The following RAD50 variants were observed in gnomAD, a reference collection of about 807,000 sequenced individuals.
RAD50 encodes the protein RAD50 double strand break repair protein.
Under a neutral mutation model 168.8 loss-of-function variants are expected in RAD50, and 132 were observed. The observed-to-expected ratio is 0.78, with a 90% CI of 0.68 to 0.90. RAD50 has a LOEUF of 0.90. RAD50 is among the 40% of genes least tolerant of loss of function. The pLI is 0.00. For synonymous variants in RAD50, 525 were observed against 497.4 expected (o/e 1.06, Z -0.74); for missense variants, 1,347 against 1,534.4 (o/e 0.88, Z 2.04).
intron 2 of RAD50, among the ~76,000 whole-genome samples, chr5:132,572,436 T>C (rs1461764452): frequency 6.6e-6 from 1 of 151,106 alleles, no homozygotes; most frequent in African/African-American, 2.5e-5. Flanking sequence ...AAACCCTAAA[T>C]AAAGTAAAAG....
intron 24 of RAD50, among the ~76,000 whole-genome samples, chr5:132,641,370 C>G (rs149179017): frequency 0.011 from 1,641 of 152,248 alleles, 23 homozygotes; most frequent in South Asian, 0.055. Context: ...AAGGACTATG[C>G]TGGCAGAGAA....
chr5:132,557,610 G>A (rs938804699), intron 1 of RAD50, among the ~76,000 whole-genome samples, 157 bp downstream of exon 1: 3 of 152,190 alleles, frequency 2.0e-5, no homozygotes, highest in South Asian at 2.1e-4. Context: ...AGGCTACAGC[G>A]ACCTTAGGAG....
At chr5:132,587,104 C>T (rs1430107019) in intron 5 of RAD50, among the ~76,000 whole-genome samples, 1 of 152,122 alleles carries the variant, frequency 6.6e-6, no homozygotes. Context: ...GCTCAGAGTC[C>T]TCTGTGGTTG....
intron 21 of RAD50, among the ~76,000 whole-genome samples, chr5:132,622,032 C>T (rs1581011699): frequency 6.6e-6 from 1 of 152,146 alleles, no homozygotes; most frequent in African/African-American, 2.4e-5. Flanking sequence ...ATATACTGGG[C>T]TCTGGGTAAA....
Position 132,591,192 on chromosome 5 carries a change from A to G in RAD50, c.1453-32A>G, listed in dbSNP as rs374075653. 4.5e-6 allele frequency: 7 copies of G among 1,561,186 alleles called. No homozygotes were observed. In the African/African-American group the frequency reaches 8.1e-5, roughly 18 times the overall value. ...TTTTAATTCTTGCACAAAATATATAACACCTTTGCATTTGTATGAATTATT... is the reference window on the plus strand; with the variant it reads ...TTTTAATTCTTGCACAAAATATATAGCACCTTTGCATTTGTATGAATTATT... On this transcript the variant is annotated intron_variant, in intron 9 of 24. Coordinates refer to ENST00000378823, the MANE Select transcript of RAD50 (RefSeq NM_005732.4).
At chr5:132,591,787 G>C (rs2149842521) in intron 10 of RAD50, 90 bp from the exon 11 acceptor site, 1 of 945,966 alleles carries the variant, frequency 1.1e-6, no homozygotes. Context: ...TTTAAGCTTA[G>C]AACTTTAGTC....
intron 5 of RAD50, among the ~76,000 whole-genome samples, chr5:132,583,946 C>T (rs1468829751): frequency 6.6e-6 from 1 of 152,104 alleles, no homozygotes; most frequent in Non-Finnish European, 1.5e-5. Context: ...ATCTGCCCAC[C>T]TCGGCCTCCC....
chr5:132,606,815 A>G (rs946993618), intron 16 of RAD50, among the ~76,000 whole-genome samples: 1 of 152,222 alleles, frequency 6.6e-6, no homozygotes, highest in Non-Finnish European at 1.5e-5. Flanking sequence ...CTGGTTCAAC[A>G]TATGCAAATC....
At chr5:132,571,135 A>G (rs189167103) in intron 2 of RAD50, among the ~76,000 whole-genome samples, 1 of 152,366 alleles carries the variant, frequency 6.6e-6, no homozygotes, top group African/African-American at 2.4e-5. Flanking sequence ...CAGTAGTAAC[A>G]TCAAAGATCA....
chr5:132,642,033 G>C, intron 24 of RAD50, 145 bp from the exon 25 acceptor site: 1 of 834,994 alleles, frequency 1.2e-6, no homozygotes, highest in Non-Finnish European at 1.9e-6. Flanking sequence ...GAAGGCCTGG[G>C]GCCACCCCTC....
intron 2 of RAD50, among the ~76,000 whole-genome samples, chr5:132,570,083 A>T (rs1750274599): frequency 6.6e-6 from 1 of 152,232 alleles, no homozygotes; most frequent in Non-Finnish European, 1.5e-5. Context: ...ATTTCAATTT[A>T]ATAGTCTTTC....
chr5:132,583,495 G>A (rs1229138110), intron 5 of RAD50, among the ~76,000 whole-genome samples: 1 of 152,006 alleles, frequency 6.6e-6, no homozygotes, highest in Non-Finnish European at 1.5e-5. Flanking sequence ...GAATATTTCA[G>A]TCACTCCAAA....
Position 132,557,098 on chromosome 5 carries a change from C to T in RAD50, c.-227C>T. The T allele has an allele frequency of 1.4e-6, 1 of 695,398 alleles. No homozygotes were observed. Among genetic ancestry groups the T allele is most frequent in the Non-Finnish European group, 2.3e-6 (1 of 425,846 alleles). 43.1% of individuals were successfully genotyped at this position (695,398 alleles called of 1,614,324 possible). A position where few individuals can be genotyped will look rare whatever the true frequency, so the allele number is the denominator to read the frequency against. ...GGCTGGTCCCCGCCTCCGCTCTCCC[C>T]ACCGGCGGGGAAAGCAGCTGGTGTG... On this transcript the variant is annotated 5_prime_UTR_variant, in exon 1 of 25. Transcript: ENST00000378823.
intron 22 of RAD50, 149 bp from the exon 23 acceptor site, chr5:132,637,932 C>G: frequency 3.3e-6 from 3 of 898,426 alleles, no homozygotes; most frequent in Non-Finnish European, 5.2e-6. Context: ...TGAATCCTCC[C>G]AGCCAGAGAA....
chr5:132,612,635 G>C (rs1751106252), intron 19 of RAD50, among the ~76,000 whole-genome samples: 1 of 152,216 alleles, frequency 6.6e-6, no homozygotes. Flanking sequence ...GGGAGTTCCA[G>C]ACTATCCTGG....
intron 2 of RAD50, among the ~76,000 whole-genome samples, chr5:132,571,749 C>A (rs1750310390): frequency 6.6e-6 from 1 of 152,080 alleles, no homozygotes; most frequent in African/African-American, 2.4e-5. Context: ...GAAGTTAATA[C>A]CCTCCGTAAT....
At chr5:132,559,214 G>C in intron 1 of RAD50, 70 bp from the exon 2 acceptor site, 2 of 1,370,182 alleles carry the variant, frequency 1.5e-6, no homozygotes, top group Non-Finnish European at 2.0e-6. Flanking sequence ...TTTTTGTAAT[G>C]AATTCATATT....
chr5:132,557,617 G>C (rs1750028722), intron 1 of RAD50, among the ~76,000 whole-genome samples, 164 bp downstream of exon 1: 1 of 152,180 alleles, frequency 6.6e-6, no homozygotes, highest in South Asian at 2.1e-4. Context: ...AGCGACCTTA[G>C]GAGTTTGCCT....
At chr5:132,609,077 A>G in intron 17 of RAD50, 40 bp from the exon 18 acceptor site, 1 of 1,605,340 alleles carries the variant, frequency 6.2e-7, no homozygotes, top group Non-Finnish European at 8.5e-7. Context: ...ATGTGCCCTT[A>G]AGTACAACCA....
Sources: allele counts gnomAD v4.1 joint callset (sites outside exome capture counted in the v4.1 genomes callset), GRCh38; gene constraint gnomAD v4.1.1; transcripts MANE v1.5; gene names NCBI Gene and HGNC (gene_info 2026-07-23, HGNC 2026-07-21).